ARHGAP32: variants seen among roughly 807,000 people sequenced by gnomAD.
ARHGAP32 encodes rho GTPase-activating protein 32.
A neutral mutation model predicts 186.5 loss-of-function variants in ARHGAP32; 51 were observed. The observed-to-expected ratio is 0.27, with a 90% CI of 0.22 to 0.35. The LOEUF (loss-of-function observed/expected upper bound fraction) is 0.35. Ranked by LOEUF, ARHGAP32 falls within the 10% of genes least tolerant of loss-of-function variation. The pLI is 1.00. For missense variants in ARHGAP32, 2,186 were observed against 2,623.5 expected, an observed-to-expected ratio of 0.83 and a Z score of 3.64; for synonymous variants, 950 against 964.3, an observed-to-expected ratio of 0.99 and a Z score of 0.27.
At chr11:129,036,794 C>A (rs1023732040) in intron 11 of ARHGAP32, among the ~76,000 whole-genome samples, 1 of 152,106 alleles carries the variant, frequency 6.6e-6, no homozygotes, top group African/African-American at 2.4e-5. Context: ...ATGATTTCCC[C>A]TAAAATCAGG....
At chr11:129,045,039 C>T (rs1786466) in intron 10 of ARHGAP32, among the ~76,000 whole-genome samples, 97,734 of 151,970 alleles carry the variant, frequency 0.64, 31,745 homozygotes, top group Middle Eastern at 0.71. Flanking sequence ...GGGGAAATGC[C>T]ACTGCATACT....
At chr11:129,121,945 A>C (rs1350083282) in intron 5 of ARHGAP32, among the ~76,000 whole-genome samples, 1 of 152,064 alleles carries the variant, frequency 6.6e-6, no homozygotes, top group African/African-American at 2.4e-5. Context: ...CAGCCATTAT[A>C]AACTCTTTAA....
At chr11:129,087,582 G>T (rs1941443747) in intron 6 of ARHGAP32, among the ~76,000 whole-genome samples, 1 of 152,150 alleles carries the variant, frequency 6.6e-6, no homozygotes, top group South Asian at 2.1e-4. Flanking sequence ...GTTGTCAGGG[G>T]TTAGAGAAAA....
chr11:128,974,714 C>G lies in ARHGAP32; in HGVS notation c.2483G>C (p.Ser828Thr). The G allele has an allele frequency of 6.2e-7, 1 of 1,614,186 alleles. No homozygotes were observed. Among genetic ancestry groups the G allele is most frequent in the Non-Finnish European group, 8.5e-7 (1 of 1,180,036 alleles). The change falls in exon 21 of 23, where the codon AGT (serine) becomes ACT (threonine). Residue 828 changes from serine (S) to threonine (T), a missense_variant. Transcript: ENST00000682385. ...TGGTGAATCTAAAAAGGAAGCACCA[C>G]TCTCCAGACATTCTGATTCGGCCTT... ...PPKAESECLE[S>T]GASFLDSPGY...
intron 5 of ARHGAP32, among the ~76,000 whole-genome samples, chr11:129,110,842 G>C (rs1325005624): frequency 6.6e-6 from 1 of 152,104 alleles, no homozygotes; most frequent in Non-Finnish European, 1.5e-5. Context: ...AAGTCTTTAA[G>C]GTTTTCCTTA....
At chr11:129,113,859 AC>A (rs1284471160) in intron 5 of ARHGAP32, among the ~76,000 whole-genome samples, 4 of 152,036 alleles carry the variant, frequency 2.6e-5, no homozygotes, top group Non-Finnish European at 5.9e-5. Flanking sequence ...CACAAAACAA[AC>A]TGTACTACTA....
At chr11:129,110,787 T>C (rs1326097967) in intron 5 of ARHGAP32, among the ~76,000 whole-genome samples, 1 of 152,238 alleles carries the variant, frequency 6.6e-6, no homozygotes, top group Non-Finnish European at 1.5e-5. Context: ...ATTTTGTATC[T>C]GCAAATTCAC....
Position 129,232,287 on chromosome 11 carries a change from T to G in ARHGAP32, c.-5+46859A>C, listed in dbSNP as rs143612990. On this transcript the variant is annotated intron_variant, in intron 1 of 6. Coordinates refer to the ARHGAP32 transcript ENST00000525234. ...GAAACAGGCATAAAGCACTTTACAC[T>G]TTATACAACAGAGGGCTGTCTCCAA... 8.5e-5 allele frequency among the ~76,000 whole-genome samples: 13 copies of G among 152,274 alleles called. No individual in the cohort carries two copies. In the East Asian group the frequency reaches 2.5e-3, roughly 29 times the overall value.
chr11:129,219,972 T>A (rs1227274947), intron 1 of ARHGAP32, among the ~76,000 whole-genome samples: 3 of 152,012 alleles, frequency 2.0e-5, no homozygotes, highest in African/African-American at 7.3e-5. Context: ...GGCCATACAG[T>A]TTTCAAACAC....
chr11:129,004,902 C>G (rs1937681818), intron 11 of ARHGAP32, among the ~76,000 whole-genome samples: 1 of 152,098 alleles, frequency 6.6e-6, no homozygotes, highest in Non-Finnish European at 1.5e-5. Flanking sequence ...TTCCTCCAAC[C>G]ATTTTGTTAT....
chr11:129,111,153 A>G (rs1942201415), intron 5 of ARHGAP32, among the ~76,000 whole-genome samples: 1 of 152,082 alleles, frequency 6.6e-6, no homozygotes, highest in South Asian at 2.1e-4. Context: ...TGAATCTCTC[A>G]ATTTTTTTCT....
chr11:129,231,253 GC>G (rs1157955333), intron 1 of ARHGAP32, among the ~76,000 whole-genome samples: 1 of 152,136 alleles, frequency 6.6e-6, no homozygotes, highest in Non-Finnish European at 1.5e-5. Flanking sequence ...GAGACATCCT[GC>G]CCTATTTTTG....
intron 2 of ARHGAP32, among the ~76,000 whole-genome samples, chr11:129,125,100 G>C (rs930038453): frequency 6.6e-6 from 1 of 151,942 alleles, no homozygotes; most frequent in Admixed American, 6.6e-5. Context: ...CTGTATAAGG[G>C]AAATTTTTCT....
At chr11:129,205,858 T>C (rs1218540226) in intron 1 of ARHGAP32, among the ~76,000 whole-genome samples, 1 of 152,154 alleles carries the variant, frequency 6.6e-6, no homozygotes, top group Non-Finnish European at 1.5e-5. Context: ...CCTAAACACT[T>C]AGTATGTACT....
intron 6 of ARHGAP32, among the ~76,000 whole-genome samples, chr11:129,078,613 C>T (rs965141948): frequency 1.3e-5 from 2 of 152,278 alleles, no homozygotes; most frequent in Non-Finnish European, 2.9e-5. Context: ...TCACCTCAGC[C>T]TCCCGAGTAG....
intron 1 of ARHGAP32, among the ~76,000 whole-genome samples, chr11:129,256,194 T>C (rs1945251896): frequency 6.6e-6 from 1 of 152,176 alleles, no homozygotes; most frequent in Non-Finnish European, 1.5e-5. Context: ...GCTTCACTTC[T>C]TGATCAGATG....
intron 10 of ARHGAP32, among the ~76,000 whole-genome samples, chr11:129,046,899 C>T (rs968213498): frequency 5.3e-5 from 8 of 151,720 alleles, no homozygotes; most frequent in South Asian, 2.1e-4. Flanking sequence ...CCGAGGCGGG[C>T]GGATCATGAG....
chr11:129,193,701 TAA>T (rs1944345380), upstream of ARHGAP32, among the ~76,000 whole-genome samples: 1 of 32,920 alleles, frequency 3.0e-5, no homozygotes, highest in African/African-American at 1.2e-4. Flanking sequence ...ATATAATATA[TAA>T]TATATATTAT....
At chr11:129,180,673 T>G (rs962044813) in intron 1 of ARHGAP32, among the ~76,000 whole-genome samples, 1 of 152,160 alleles carries the variant, frequency 6.6e-6, no homozygotes, top group African/African-American at 2.4e-5. Flanking sequence ...ATGCTTAAAG[T>G]GTTTGATTGT....
Sources: allele counts gnomAD v4.1 joint callset (sites outside exome capture counted in the v4.1 genomes callset), GRCh38; gene constraint gnomAD v4.1.1; transcripts MANE v1.5; gene names NCBI Gene and HGNC (gene_info 2026-07-23, HGNC 2026-07-21).